Variants in DHX16 observed in about 807,000 individuals in gnomAD.
DHX16 encodes pre-mRNA-splicing factor ATP-dependent RNA helicase DHX16.
DHX16 carries 81 observed loss-of-function variants against 131.2 expected under a neutral mutation model. That is an observed-to-expected ratio of 0.62 (90% CI 0.52 to 0.74). The LOEUF (loss-of-function observed/expected upper bound fraction) is 0.74, where lower values mean the gene tolerates loss of function less well. Among genes scored for constraint, DHX16 ranks in the 30% least tolerant of loss-of-function variants. DHX16 has a pLI of 0.00. For synonymous variants in DHX16, 440 were observed against 520.2 expected (o/e 0.85, Z 2.10); for missense variants, 980 against 1,363.1 (o/e 0.72, Z 4.43).
intron 7 of DHX16, 25 bp from the exon 8 acceptor site, chr6:30,663,046 AG>A (rs775907483): frequency 6.3e-7 from 1 of 1,580,914 alleles, no homozygotes; most frequent in Non-Finnish European, 8.6e-7. Context: ...AAAAAGAAGA[AG>A]TTTGCCCTTT....
At chr6:30,654,477 G>C (rs1338706341) in intron 19 of DHX16, among the ~76,000 whole-genome samples, 3 of 152,084 alleles carry the variant, frequency 2.0e-5, no homozygotes, top group Non-Finnish European at 4.4e-5. Flanking sequence ...TTGAACCCCA[G>C]AGGCAGAGGT....
chr6:30,663,005 C>A lies in DHX16; in HGVS notation c.1334G>T (p.Gly445Val). The A allele has an allele frequency of 1.2e-6, 2 of 1,613,218 alleles. No individual in the cohort carries two copies. The highest frequency in any genetic ancestry group is 1.7e-6 in the Non-Finnish European group (2 of 1,179,886). The change falls in exon 8 of 20, where the codon GGT becomes GTT. Residue 445 changes from glycine (G) to valine (V), a missense_variant. Around this residue, in one of 3 missense-constraint regions of DHX16, gnomAD observed 309 missense variants for 537.1 expected, o/e 0.58. Transcript: ENST00000376442. ...YLFEEGYTNK[G>V]MKIACTQPRR... The stretch of plus-strand genomic sequence containing the variant: ...GGGTTGGGTGCAGGCAATCTTCATA[C>A]CCTTGTTTGTATAACCCTGAATGAC...
Position 30,656,191 on chromosome 6 carries a change from G to A in DHX16, c.2498+7C>T. The A allele has an allele frequency of 6.2e-7, 1 of 1,612,580 alleles. No individual in the cohort carries two copies. The highest frequency in any genetic ancestry group is 8.5e-7 in the Non-Finnish European group (1 of 1,179,986). On this transcript the variant is annotated splice_region_variant and intron_variant, in intron 16 of 19. Transcript: ENST00000376442. The surrounding 1 kb of genome is among the most constrained non-coding windows in gnomAD (Gnocchi z 5.1). ...TGCTGGGGGCCCAGGTGGAGGCGAGGGCTTACTTCTCAGAGGCTAAGATCA... is the reference window on the plus strand; with the variant it reads ...TGCTGGGGGCCCAGGTGGAGGCGAGAGCTTACTTCTCAGAGGCTAAGATCA...
In DHX16 at chr6:30,659,791, AAC is replaced by A; in HGVS notation, c.1797_1798del (p.Leu600AlafsTer22). ...AGGGGGCTGGGTCACATGGATCTGC[AAC>A]ACAGATACTACACAAGCTTCCAAGT... On this transcript the variant is annotated frameshift_variant, in exon 11 of 20. Coordinates refer to ENST00000376442, the MANE Select transcript of DHX16 (RefSeq NM_003587.5). LOFTEE classifies it high-confidence loss of function. The A allele has an allele frequency of 2.5e-6, 4 of 1,614,182 alleles. No homozygotes were observed. The highest frequency in any genetic ancestry group is 2.5e-6 in the Non-Finnish European group (3 of 1,180,028).
At position 30,660,043 on chromosome 6, in the gene DHX16, A is replaced by T. The variant is rs1582940678; in HGVS notation, c.1744T>A (p.Phe582Ile). The change falls in exon 10 of 20, where the codon TTC becomes ATC. Residue 582 changes from phenylalanine (F) to isoleucine (I), a missense_variant. Coordinates refer to ENST00000376442, the MANE Select transcript of DHX16 (RefSeq NM_003587.5). ...IPGRRFPVDI[F>I]YTKAPEADYL... is the part of the protein sequence containing the mutation. ...CCCTGAGGGGGCACCTTGGTGTAGA[A>T]GATGTCCACAGGAAACCTGCGTCCG... The T allele has an allele frequency of 1.9e-6, 3 of 1,612,580 alleles. No individual in the cohort carries two copies. The highest frequency in any genetic ancestry group is 1.3e-5 in the African/African-American group (1 of 74,916).
At chr6:30,667,153 AAATTCGTATTTAAAAGG>A (rs1411246420) in intron 4 of DHX16, among the ~76,000 whole-genome samples, 6 of 152,240 alleles carry the variant, frequency 3.9e-5, no homozygotes, top group African/African-American at 1.4e-4. Context: ...CTTACTCTAA[AAATTCGTATTTAAAAGG>A]AAACAAACAT....
chr6:30,664,704 A>G, intron 7 of DHX16, 97 bp downstream of exon 7: 1 of 1,085,818 alleles, frequency 9.2e-7, no homozygotes, highest in African/African-American at 1.6e-5. Flanking sequence ...AAAGATAGGT[A>G]AGTGACTACT....
intron 9 of DHX16, among the ~76,000 whole-genome samples, chr6:30,661,445 A>G (rs2127585335): frequency 6.6e-6 from 1 of 152,296 alleles, no homozygotes; most frequent in African/African-American, 2.4e-5. Context: ...GTGGGCCAGC[A>G]AGGCTGACTG....
rs771327150 is a variant in DHX16, at chr6:30,665,474, C to T, written c.921+5G>A. On this transcript the variant is annotated splice_donor_5th_base_variant and intron_variant, in intron 5 of 19. Transcript: ENST00000376442. This position sits in a 1 kb window ranked among gnomAD's most constrained non-coding sequence, Gnocchi z 4.8. Reference sequence around the variant, plus strand: ...AAGGCTGAAGCAGACGCCGCTTCACCTCACCTGTCCTCGGGTTTCCTTGGG... The same window carrying T: ...AAGGCTGAAGCAGACGCCGCTTCACTTCACCTGTCCTCGGGTTTCCTTGGG... 5.6e-6 allele frequency: 9 copies of T among 1,611,456 alleles called. No individual in the cohort carries two copies. The highest frequency in any genetic ancestry group is 1.3e-5 in the African/African-American group (1 of 74,988).
intron 4 of DHX16, among the ~76,000 whole-genome samples, chr6:30,668,138 T>C (rs1376697095): frequency 6.6e-6 from 1 of 152,184 alleles, no homozygotes; most frequent in Non-Finnish European, 1.5e-5. Flanking sequence ...ACAATATCTT[T>C]ATCCTTAGCA....
rs751005426 is a variant in DHX16 at position 30,672,937 on chromosome 6, A to G, written c.-96T>C. ...GCCTGGAGCCCTCGGCTGGAGCCTC[A>G]GCTTCGCAAGTCAGCTACCTTGGGA... On this transcript the variant is annotated 5_prime_UTR_variant, in exon 1 of 20. It removes the in-frame stop codon of an upstream open reading frame in the 5' UTR. Transcript: ENST00000376442. The G allele has an allele frequency of 6.4e-7, 1 of 1,563,052 alleles. No individual in the cohort carries two copies. The highest frequency in any genetic ancestry group is 8.7e-7 in the Non-Finnish European group (1 of 1,153,526).
At chr6:30,668,529 T>C (rs1769242938) in intron 4 of DHX16, among the ~76,000 whole-genome samples, 1 of 152,000 alleles carries the variant, frequency 6.6e-6, no homozygotes, top group African/African-American at 2.4e-5. Flanking sequence ...TGCATGTCTG[T>C]AGTCCCAGCT....
In DHX16 at chr6:30,665,858, C is replaced by G; in HGVS notation, c.667-125G>C. 2 of 1,249,538 alleles carry G rather than the reference C, an allele frequency of 1.6e-6. No individual in the cohort carries two copies. The highest frequency in any genetic ancestry group is 2.2e-6 in the Non-Finnish European group (2 of 918,950). The allele number at this position is 1,249,538 out of a possible 1,614,324, so 77.4% of individuals were successfully genotyped here. ...GAGAACCTCAGGATGCACCCTCTAC[C>G]TTCCCTCTGCAATGCACAACCAAAA... On this transcript the variant is annotated intron_variant, in intron 4 of 19. Transcript: ENST00000376442. The surrounding 1 kb of genome is among the most constrained non-coding windows in gnomAD (Gnocchi z 4.8).
chr6:30,669,744 TAAAAAA>T (rs953317689), intron 4 of DHX16, among the ~76,000 whole-genome samples: 18 of 113,816 alleles, frequency 1.6e-4, no homozygotes, highest in African/African-American at 4.8e-4. Flanking sequence ...AAAAAAGGTT[TAAAAAA>T]AAAAAAAAAA....
At chr6:30,660,000 C>T (rs1219257042) in intron 10 of DHX16, 32 bp downstream of exon 10, 1 of 1,605,306 alleles carries the variant, frequency 6.2e-7, no homozygotes, top group Non-Finnish European at 8.5e-7. Flanking sequence ...TTTTCTGCCA[C>T]AGACTTAAGC....
Position 30,662,029 on chromosome 6 carries a change from C to T in DHX16, c.1544+598G>A, listed in dbSNP as rs1768565074. 1.6e-6 allele frequency: 1 copy of T among 614,332 alleles called. No individual in the cohort carries two copies. The highest frequency in any genetic ancestry group is 1.8e-5 in the South Asian group (1 of 54,420). The allele number at this position is 614,332 out of a possible 1,614,324, so 38.1% of individuals were successfully genotyped here. On this transcript the variant is annotated intron_variant, in intron 9 of 19. Coordinates refer to ENST00000376442, the MANE Select transcript of DHX16 (RefSeq NM_003587.5). This position sits in a 1 kb window ranked among gnomAD's most constrained non-coding sequence, Gnocchi z 4.7. ...TTACATTCATGAATCCCTTTTCCCC[C>T]TCAACACATGTTCAACCAACCCCTG...
At position 30,670,372 on chromosome 6, in the gene DHX16, T is replaced by C; in HGVS notation, c.666+38A>G. On this transcript the variant is annotated intron_variant, in intron 4 of 19. Coordinates refer to ENST00000376442, the MANE Select transcript of DHX16 (RefSeq NM_003587.5). The surrounding 1 kb of genome is among the most constrained non-coding windows in gnomAD (Gnocchi z 4.4). The stretch of plus-strand genomic sequence containing the variant: ...CACTCTATCAGAAAGTCTTTCCTTT[T>C]GTCTTCTGATCTTGGCTCCCTAGGC... 6.3e-7 allele frequency: 1 copy of C among 1,581,056 alleles called. No individual in the cohort carries two copies. Among genetic ancestry groups the C allele is most frequent in the Non-Finnish European group, 8.6e-7 (1 of 1,158,616 alleles).
At chr6:30,661,650 CTTCT>C (rs776893443) in intron 9 of DHX16, 2 of 682,686 alleles carry the variant, frequency 2.9e-6, no homozygotes, top group Non-Finnish European at 5.4e-6. Flanking sequence ...TGCATGACAC[CTTCT>C]TTCTCTTTGT....
intron 9 of DHX16, 120 bp from the exon 10 acceptor site, chr6:30,660,362 G>A (rs531436479): frequency 8.5e-6 from 7 of 818,828 alleles, no homozygotes; most frequent in Middle Eastern, 2.9e-4. Context: ...GACTGTTGAC[G>A]GAGGGGGCTC....
Sources: gnomAD v4.1 joint callset for allele counts (sites outside exome capture counted in the v4.1 genomes callset) on GRCh38, gnomAD v4.1.1 for gene constraint, gnomAD v4.1.1 regional missense constraint, Gnocchi (gnomAD v3.1) non-coding constraint, MANE v1.5 for transcripts, NCBI Gene and HGNC (gene_info 2026-07-23, HGNC 2026-07-21) for gene names.